Variants in ADCY3 observed in about 807,000 individuals in gnomAD.
ADCY3 encodes the protein adenylate cyclase type 3.
ADCY3 carries 70 observed loss-of-function variants against 119.4 expected under a neutral mutation model. The ratio of observed to expected loss-of-function variants is 0.59; its 90% CI spans 0.48 to 0.72. The LOEUF is 0.72. Among genes scored for constraint, ADCY3 ranks in the 30% least tolerant of loss-of-function variants. ADCY3 has a pLI of 0.00. For missense variants in ADCY3, 1,238 were observed against 1,541.6 expected, an observed-to-expected ratio of 0.80 and a Z score of 3.30; for synonymous variants, 672 against 621.4, an observed-to-expected ratio of 1.08 and a Z score of -1.21.
At chr2:24,848,132 C>T (rs1045632005) in intron 3 of ADCY3, among the ~76,000 whole-genome samples, 1 of 152,256 alleles carries the variant, frequency 6.6e-6, no homozygotes, top group Non-Finnish European at 1.5e-5. Flanking sequence ...ATCTCTGCAG[C>T]ACTGTGACAT....
chr2:24,886,787 G>A (rs969340333), intron 2 of ADCY3, among the ~76,000 whole-genome samples: 1 of 152,248 alleles, frequency 6.6e-6, no homozygotes, highest in African/African-American at 2.4e-5. Context: ...CTGCCCTGGG[G>A]AGGGGAAGGG....
Position 24,841,725 on chromosome 2 carries a change from C to T in ADCY3, c.957-58G>A. On this transcript the variant is annotated intron_variant, in intron 4 of 21. Coordinates refer to ENST00000679454, the MANE Select transcript of ADCY3 (RefSeq NM_004036.5). The surrounding 1 kb of genome is among the most constrained non-coding windows in gnomAD (Gnocchi z 5.8). The stretch of plus-strand genomic sequence containing the variant: ...CCAGGCAGCCAGGTGTACCCGACCC[C>T]ACTGCCAGCTCCCTCTCCAACCCAC... 1.5e-6 allele frequency: 2 copies of T among 1,346,532 alleles called. No individual in the cohort carries two copies. Among genetic ancestry groups the T allele is most frequent in the East Asian group, 2.3e-5 (1 of 42,812 alleles). 83.4% of individuals were successfully genotyped at this position (1,346,532 alleles called of 1,614,324 possible).
At position 24,827,580 on chromosome 2, in the gene ADCY3, G is replaced by T. The variant is rs777721834; in HGVS notation, c.2461C>A (p.Gln821Lys). 5.0e-6 allele frequency: 8 copies of T among 1,589,606 alleles called. No individual in the cohort carries two copies. Among genetic ancestry groups the T allele is most frequent in the Non-Finnish European group, 6.9e-6 (8 of 1,165,048 alleles). Residue 821 changes from glutamine to lysine, a missense_variant, in exon 15 of 22, where the codon CAA becomes AAA. Coordinates refer to ENST00000679454, the MANE Select transcript of ADCY3 (RefSeq NM_004036.5). ...DLPMVALEQM[Q>K]GFNPGLNGTD... ...CCATTGAGCCCAGGGTTGAATCCTT[G>T]CATCTGCTCTAAGGCCACCATAGGT... is the stretch of plus-strand genomic sequence containing the variant.
At chr2:24,838,762 G>C in intron 7 of ADCY3, 140 bp from the exon 8 acceptor site, 1 of 1,587,772 alleles carries the variant, frequency 6.3e-7, no homozygotes, top group Non-Finnish European at 8.6e-7. Flanking sequence ...GCCAAGTGGA[G>C]GCAGTTCTGC....
chr2:24,877,983 T>C, intron 2 of ADCY3: 1 of 471,242 alleles, frequency 2.1e-6, no homozygotes, highest in South Asian at 1.5e-5. Context: ...TCTTGCCCCG[T>C]GGTCCCCTTT....
chr2:24,848,208 C>A (rs1274771434), intron 3 of ADCY3, among the ~76,000 whole-genome samples: 1 of 152,244 alleles, frequency 6.6e-6, no homozygotes, highest in Non-Finnish European at 1.5e-5. Context: ...ACAAGGAACA[C>A]CTGGCCTGCC....
chr2:24,823,387 C>T (rs757149353), intron 17 of ADCY3, 32 bp from the exon 18 acceptor site: 49 of 1,601,234 alleles, frequency 3.1e-5, no homozygotes, highest in Non-Finnish European at 4.1e-5. Context: ...GTGCTCAAAG[C>T]ATGTCCGACT....
intron 2 of ADCY3, among the ~76,000 whole-genome samples, chr2:24,911,641 A>ACACACACACACACACACACACACAC (rs1459604524): frequency 1.4e-4 from 8 of 58,104 alleles, no homozygotes; most frequent in African/African-American, 3.5e-4. Context: ...CAGACTCAAA[A>ACACACACACACACACACACACACAC]AAAAAAAAAA....
At chr2:24,894,299 G>A (rs949061492) in intron 2 of ADCY3, among the ~76,000 whole-genome samples, 11 of 152,042 alleles carry the variant, frequency 7.2e-5, no homozygotes, top group African/African-American at 2.2e-4. Context: ...CCTGGGCAAC[G>A]TGGTGAGACT....
intron 7 of ADCY3, 63 bp downstream of exon 7, chr2:24,839,810 G>A: frequency 6.2e-7 from 1 of 1,608,686 alleles, no homozygotes; most frequent in Non-Finnish European, 8.5e-7. Flanking sequence ...TCACAGCCCT[G>A]GGGGATGGAG....
rs192818478 is a variant in ADCY3 at position 24,894,411 on chromosome 2, G to A, written c.676-21692C>T. On this transcript the variant is annotated intron_variant, in intron 2 of 21. Transcript: ENST00000679454. ...AAGACCTTGAGCCCAGGAGGTTGAG[G>A]CTACAGTGAGCTATAATTGTGCCAC... Among the ~76,000 whole-genome samples the A allele has an allele frequency of 7.6e-4, 116 of 152,218 alleles. 1 individual carries two copies. Among genetic ancestry groups the A allele is most frequent in the Non-Finnish European group, 5.9e-5 (4 of 68,020 alleles).
At chr2:24,871,154 GA>G (rs1198540894) in intron 3 of ADCY3, among the ~76,000 whole-genome samples, 1 of 150,502 alleles carries the variant, frequency 6.6e-6, no homozygotes, top group African/African-American at 2.5e-5. Context: ...TTTAAGTGCA[GA>G]GAACCCAGAG....
chr2:24,819,831 G>A lies in ADCY3; in HGVS notation c.*101C>T. The A allele has an allele frequency of 7.8e-7, 1 of 1,289,884 alleles. No individual in the cohort carries two copies. Among genetic ancestry groups the A allele is most frequent in the Non-Finnish European group, 1.1e-6 (1 of 933,380 alleles). The allele number at this position is 1,289,884 out of a possible 1,614,324, so 79.9% of individuals were successfully genotyped here. A position where few individuals can be genotyped will look rare whatever the true frequency, so the allele number is the denominator to read the frequency against. On this transcript the variant is annotated 3_prime_UTR_variant, in exon 22 of 22. Transcript: ENST00000679454. ...GGCTGAGGAGGTTTCTAAACCTAAA[G>A]TCCATGAGTGTGCACTTCAATCCAG...
chr2:24,849,272 T>C (rs948940271), intron 3 of ADCY3, among the ~76,000 whole-genome samples: 5 of 152,156 alleles, frequency 3.3e-5, no homozygotes, highest in Admixed American at 6.5e-5. Flanking sequence ...TCCATGCCCC[T>C]GACCACAGTA....
rs538993583 is a variant in ADCY3, at chr2:24,852,075, T to C, written c.826-9691A>G. ...ACCGAAGCCCTGGTGTTTTGTAACATAGTAAGGCCCTGACAGTGCGGCTCT... is the reference window on the plus strand; with the variant it reads ...ACCGAAGCCCTGGTGTTTTGTAACACAGTAAGGCCCTGACAGTGCGGCTCT... On this transcript the variant is annotated intron_variant, in intron 3 of 21. Transcript: ENST00000679454. Among the ~76,000 whole-genome samples, 15 of 152,294 alleles carry C rather than the reference T, an allele frequency of 9.8e-5. No individual in the cohort carries two copies. The South Asian group carries it at 1.4e-3, about 15-fold the overall frequency.
Position 24,840,028 on chromosome 2 carries a change from A to G in ADCY3, c.1200T>C (p.Tyr400=), listed in dbSNP as rs768476390. 1.9e-6 allele frequency: 3 copies of G among 1,608,198 alleles called. No individual in the cohort carries two copies. The highest frequency in any genetic ancestry group is 2.2e-5 in the East Asian group (1 of 44,690). ...CCCCAGTCTTGGTCTTCTCCCGCACATACCTGCCAGGTACACACAGAAAGG... is the reference window on the plus strand; with the variant it reads ...CCCCAGTCTTGGTCTTCTCCCGCACGTACCTGCCAGGTACACACAGAAAGG... ...MGLAMVEAIS[Y]VREKTKTGVD... Residue 400 remains tyrosine (Y), a synonymous_variant, in exon 7 of 22, where the codon TAT becomes TAC. Transcript: ENST00000679454.
intron 13 of ADCY3, 123 bp from the exon 14 acceptor site, chr2:24,828,284 G>A (rs1668912909): frequency 2.6e-6 from 3 of 1,154,128 alleles, no homozygotes; most frequent in Non-Finnish European, 2.4e-6. Flanking sequence ...AGAAATACCG[G>A]GAAAGATGGG....
At chr2:24,856,114 G>A (rs1278901202) in intron 3 of ADCY3, among the ~76,000 whole-genome samples, 1 of 152,224 alleles carries the variant, frequency 6.6e-6, no homozygotes, top group Non-Finnish European at 1.5e-5. Context: ...CCTTGTAAGA[G>A]GGAGACAGTT....
chr2:24,839,959 GC>G lies in ADCY3; in HGVS notation c.1268del (p.Gly423AlafsTer19), dbSNP rs754914420. ...ACTGCCAGCGCTTCTGGCCCAGGAC[GC>G]CCCCCAGCACGGTGCCCGTGTGCAC... ...VGVHTGTVLG[G>X]VLGQKRWQYD... is the part of the protein sequence containing the mutation. On this transcript the variant is annotated frameshift_variant, in exon 7 of 22. Transcript: ENST00000679454. LOFTEE classifies it high-confidence loss of function. The G allele has an allele frequency of 3.7e-6, 6 of 1,613,674 alleles. No individual in the cohort carries two copies. The highest frequency in any genetic ancestry group is 5.1e-6 in the Non-Finnish European group (6 of 1,180,020).
Sources: gnomAD v4.1 joint callset for allele counts (sites outside exome capture counted in the v4.1 genomes callset) on GRCh38, gnomAD v4.1.1 for gene constraint, Gnocchi (gnomAD v3.1) non-coding constraint, MANE v1.5 for transcripts, NCBI Gene and HGNC (gene_info 2026-07-23, HGNC 2026-07-21) for gene names.